The following PGM5 variants were observed in gnomAD, a reference collection of about 807,000 sequenced individuals.
The protein encoded by PGM5 is phosphoglucomutase-like protein 5.
A neutral mutation model predicts 59.2 loss-of-function variants in PGM5; 23 were observed. The ratio of observed to expected loss-of-function variants is 0.39; its 90% CI spans 0.28 to 0.55. The LOEUF is 0.55. PGM5 is among the 20% of genes least tolerant of loss of function. The pLI is 0.66. For missense variants in PGM5, 574 were observed against 748.3 expected (o/e 0.77, Z 2.72); for synonymous variants, 214 against 286.0 (o/e 0.75, Z 2.54).
rs782619368 is a variant in PGM5 at position 68,378,224 on chromosome 9, A to C, written c.287A>C (p.Asn96Thr). 3 of 1,579,306 alleles carry C rather than the reference A, an allele frequency of 1.9e-6. No individual in the cohort carries two copies. In the East Asian group the frequency reaches 6.7e-5, roughly 36 times the overall value. The change falls in exon 2 of 11, where the codon AAT becomes ACT. Residue 96 changes from asparagine (N) to threonine (T), a missense_variant. Physicochemically the swap from Asn to Thr is moderately conservative, Grantham distance 65 (BLOSUM62 0). This residue lies in a region of PGM5 where 61 missense variants were observed against 133.3 expected (regional missense o/e 0.46). Coordinates refer to ENST00000396396, the MANE Select transcript of PGM5 (RefSeq NM_021965.4). Reference protein sequence around the residue: ...NGIGRLIIGQNGILSTPAVSC... With the variant: ...NGIGRLIIGQTGILSTPAVSC... ...ATTGGACGACTGATTATTGGACAGA[A>C]TGGCATCTTGTCGACACCTGCGGTC...
chr9:68,409,576 G>A (rs1554681448), intron 6 of PGM5, among the ~76,000 whole-genome samples: 4 of 148,288 alleles, frequency 2.7e-5, no homozygotes. Flanking sequence ...ACCTTTGTAG[G>A]GACATGGATG....
intron 1 of PGM5, among the ~76,000 whole-genome samples, chr9:68,368,640 T>G (rs1194472178): frequency 2.0e-5 from 3 of 148,302 alleles, no homozygotes; most frequent in South Asian, 2.1e-4. Flanking sequence ...GTTTTTAGGT[T>G]TTTTTTTTCT....
At chr9:68,461,448 G>T (rs1205907441) in intron 6 of PGM5, among the ~76,000 whole-genome samples, 1 of 152,134 alleles carries the variant, frequency 6.6e-6, no homozygotes, top group African/African-American at 2.4e-5. Flanking sequence ...CACAGGTTTT[G>T]TTATGGTCTG....
At chr9:68,359,624 C>T (rs2131968721) in intron 1 of PGM5, among the ~76,000 whole-genome samples, 1 of 152,304 alleles carries the variant, frequency 6.6e-6, no homozygotes, top group African/African-American at 2.4e-5. Context: ...CCTGATTTGG[C>T]ATCCTGAATT....
intron 10 of PGM5, among the ~76,000 whole-genome samples, chr9:68,525,129 G>C (rs1451557497): frequency 1.3e-5 from 2 of 152,064 alleles, no homozygotes; most frequent in African/African-American, 2.4e-5. Flanking sequence ...AGAGTTTGGG[G>C]TTTACGTGTA....
At chr9:68,528,234 AT>A (rs1358857055) in intron 10 of PGM5, among the ~76,000 whole-genome samples, 2 of 151,802 alleles carry the variant, frequency 1.3e-5, no homozygotes, top group Admixed American at 1.3e-4. Context: ...TTTATTTTTT[AT>A]TTTATTTTTA....
intron 10 of PGM5, among the ~76,000 whole-genome samples, chr9:68,526,313 A>G (rs1386922920): frequency 2.0e-5 from 3 of 152,196 alleles, no homozygotes; most frequent in African/African-American, 7.2e-5. Flanking sequence ...GGATTAGCCC[A>G]GGCTCTTGGC....
chr9:68,463,182 G>A (rs567161354), intron 6 of PGM5, among the ~76,000 whole-genome samples: 1 of 140,112 alleles, frequency 7.1e-6, no homozygotes, highest in African/African-American at 2.6e-5. Flanking sequence ...GTTTCTAGAT[G>A]TTTTTTTTTT....
chr9:68,407,465 A>C (rs1376170671), intron 6 of PGM5, among the ~76,000 whole-genome samples: 1 of 152,158 alleles, frequency 6.6e-6, no homozygotes, highest in South Asian at 2.1e-4. Context: ...TTTTTGATTA[A>C]TATCCTCTAA....
At chr9:68,391,792 G>A in intron 5 of PGM5, 68 bp downstream of exon 5, 1 of 1,495,996 alleles carries the variant, frequency 6.7e-7, no homozygotes, top group Non-Finnish European at 9.2e-7. Context: ...GGAAAGCAGA[G>A]AATTAATGAA....
At chr9:68,411,406 TATACACACATAC>T (rs1313597199) in intron 6 of PGM5, among the ~76,000 whole-genome samples, 1 of 135,384 alleles carries the variant, frequency 7.4e-6, no homozygotes, top group Non-Finnish European at 1.6e-5. Context: ...CACACACATA[TATACACACATAC>T]ATGTGTGTAT....
intron 6 of PGM5, among the ~76,000 whole-genome samples, chr9:68,421,879 A>G (rs545292464): frequency 2.2e-4 from 33 of 152,202 alleles, no homozygotes; most frequent in African/African-American, 6.7e-4. Context: ...ATCTAACTTT[A>G]TACTGTTTAT....
At chr9:68,392,785 A>G (rs1435677463) in intron 6 of PGM5, among the ~76,000 whole-genome samples, 3 of 152,142 alleles carry the variant, frequency 2.0e-5, no homozygotes, top group African/African-American at 4.8e-5. Flanking sequence ...GAGGTGCTTC[A>G]TGTAGAACAT....
At chr9:68,461,848 A>G (rs1823863509) in intron 6 of PGM5, among the ~76,000 whole-genome samples, 1 of 152,076 alleles carries the variant, frequency 6.6e-6, no homozygotes, top group East Asian at 1.9e-4. Context: ...GTCTTCAGGC[A>G]ACTTGAAGTA....
chr9:68,371,589 C>T (rs1383554952), intron 1 of PGM5: 1 of 151,934 alleles, frequency 6.6e-6, no homozygotes, highest in African/African-American at 2.4e-5. Context: ...TTTTAACAAC[C>T]CTCTTCTTTC....
At chr9:68,476,368 A>G (rs1365978497) in intron 7 of PGM5, among the ~76,000 whole-genome samples, 2 of 152,196 alleles carry the variant, frequency 1.3e-5, no homozygotes, top group African/African-American at 4.8e-5. Context: ...CTATGAAAAC[A>G]TTAAAAAAAT....
chr9:68,464,051 G>A (rs1001174937), intron 6 of PGM5, among the ~76,000 whole-genome samples: 7 of 152,010 alleles, frequency 4.6e-5, no homozygotes, highest in African/African-American at 7.2e-5. Flanking sequence ...TGTTGCATGC[G>A]GCAATAGTTT....
intron 10 of PGM5, among the ~76,000 whole-genome samples, chr9:68,514,383 C>T (rs1234511420): frequency 6.6e-6 from 1 of 152,114 alleles, no homozygotes; most frequent in Non-Finnish European, 1.5e-5. Flanking sequence ...GGGTGAATCA[C>T]CTGAGGTCAG....
At chr9:68,501,523 C>CAA (rs1824573012) in intron 10 of PGM5, among the ~76,000 whole-genome samples, 1 of 152,142 alleles carries the variant, frequency 6.6e-6, no homozygotes, top group Non-Finnish European at 1.5e-5. Context: ...TTCTAAAAAG[C>CAA]CTTTGATTAA....
Sources: allele counts gnomAD v4.1 joint callset (sites outside exome capture counted in the v4.1 genomes callset), GRCh38; gene constraint gnomAD v4.1.1; regional missense constraint gnomAD v4.1.1; transcripts MANE v1.5; gene names NCBI Gene and HGNC (gene_info 2026-07-23, HGNC 2026-07-21).